SKI: variants seen among roughly 807,000 people sequenced by gnomAD.
SKI encodes the protein SKI proto-oncogene.
In SKI, 23 loss-of-function variants were observed where a neutral mutation model predicts 59.3. The observed-to-expected ratio is 0.39, with a 90% CI of 0.28 to 0.55. The LOEUF is 0.55. SKI is among the 20% of genes least tolerant of loss of function. The pLI is 0.67. For missense variants in SKI, 1,017 were observed against 1,038.9 expected, an observed-to-expected ratio of 0.98 and a Z score of 0.29; for synonymous variants, 673 against 488.6, an observed-to-expected ratio of 1.38 and a Z score of -4.98.
chr1:2,280,140 C>A (rs943581871), intron 1 of SKI, among the ~76,000 whole-genome samples: 5 of 151,238 alleles, frequency 3.3e-5, no homozygotes, highest in Non-Finnish European at 7.4e-5. Context: ...GAGGCCGAGG[C>A]GGGTGGCTAA....
At position 2,307,117 on chromosome 1, in the gene SKI, T is replaced by A. The variant is rs1028641514; in HGVS notation, c.*352T>A. 1 of 166,042 alleles carries A rather than the reference T, an allele frequency of 6.0e-6. No individual in the cohort carries two copies. Among genetic ancestry groups the A allele is most frequent in the Non-Finnish European group, 1.3e-5 (1 of 77,336 alleles). 10.3% of individuals were successfully genotyped at this position (166,042 alleles called of 1,614,324 possible). On this transcript the variant is annotated 3_prime_UTR_variant, in exon 7 of 7. Coordinates refer to ENST00000378536, the MANE Select transcript of SKI (RefSeq NM_003036.4). ...TTCAGAAAATCAACACATTTTTAAA[T>A]GACTAACTTCTAAAAGCCCCAACAC...
In SKI at chr1:2,251,314, G is replaced by A. The variant is rs1639142703; in HGVS notation, c.969+21579G>A. ...ATTTATTTATTTTTTGTAGAGATGG[G>A]GTCTCACTCTGTGGCCCAGGCTGGT... On this transcript the variant is annotated intron_variant, in intron 1 of 6. Transcript: ENST00000378536. Among the ~76,000 whole-genome samples, 3 of 152,158 alleles carry A rather than the reference G, an allele frequency of 2.0e-5. No individual in the cohort carries two copies. The South Asian group carries it at 6.2e-4, about 32-fold the overall frequency.
chr1:2,305,949 G>C (rs1640561964), intron 5 of SKI, 71 bp from the exon 6 acceptor site: 1 of 1,182,770 alleles, frequency 8.5e-7, no homozygotes. Flanking sequence ...GTGGGCTGAG[G>C]ACTGCTGGTC....
chr1:2,284,763 C>T lies in SKI; in HGVS notation c.970-18215C>T, dbSNP rs550553768. On this transcript the variant is annotated intron_variant, in intron 1 of 6. Transcript: ENST00000378536. Reference sequence around the variant, plus strand: ...GAAGAGTCAGGGAGGGGTGGATGGCCGGCGTGGCTGTAAGAATGACAGGTG... The same window carrying T: ...GAAGAGTCAGGGAGGGGTGGATGGCTGGCGTGGCTGTAAGAATGACAGGTG... Among the ~76,000 whole-genome samples, 58 of 152,242 alleles carry T rather than the reference C, an allele frequency of 3.8e-4. 1 individual carries two copies. The South Asian group carries it at 8.3e-3, about 22-fold the overall frequency.
At chr1:2,260,311 T>C (rs1305289494) in intron 1 of SKI, among the ~76,000 whole-genome samples, 1 of 152,186 alleles carries the variant, frequency 6.6e-6, no homozygotes, top group Non-Finnish European at 1.5e-5. Context: ...ATGTCTTCTT[T>C]GGTGAAATGT....
intron 1 of SKI, among the ~76,000 whole-genome samples, chr1:2,251,912 G>A (rs780526315): frequency 1.3e-5 from 2 of 152,174 alleles, no homozygotes; most frequent in Non-Finnish European, 2.9e-5. Context: ...TGGCTGAACC[G>A]GCTTATCTGG....
intron 1 of SKI, among the ~76,000 whole-genome samples, chr1:2,261,384 G>A (rs1442577864): frequency 2.6e-5 from 4 of 152,106 alleles, no homozygotes; most frequent in Non-Finnish European, 5.9e-5. Flanking sequence ...CTTAACAATC[G>A]GGAGTTTTCC....
rs767822731 is a variant in SKI at position 2,267,424 on chromosome 1, C to G, written c.970-35554C>G. On this transcript the variant is annotated intron_variant, in intron 1 of 6. Transcript: ENST00000378536. The surrounding 1 kb of genome is among the most constrained non-coding windows in gnomAD (Gnocchi z 4.1). ...AGGGCCGTTCGGGCCGGAGCAGGTG[C>G]GACAGGAATGTCCCACGTCCTCTCG... 3.3e-5 allele frequency among the ~76,000 whole-genome samples: 5 copies of G among 152,160 alleles called. No individual in the cohort carries two copies. The highest frequency in any genetic ancestry group is 3.3e-4 in the Admixed American group (5 of 15,276).
At position 2,270,592 on chromosome 1, in the gene SKI, A is replaced by G. The variant is rs1290252529; in HGVS notation, c.970-32386A>G. Among the ~76,000 whole-genome samples, 1 of 151,718 alleles carries G rather than the reference A, an allele frequency of 6.6e-6. No homozygotes were observed. Among genetic ancestry groups the G allele is most frequent in the Middle Eastern group, 3.2e-3 (1 of 316 alleles). On this transcript the variant is annotated intron_variant, in intron 1 of 6. Transcript: ENST00000378536. This position sits in a 1 kb window ranked among gnomAD's most constrained non-coding sequence, Gnocchi z 4.1. ...ACAAGCTGCCGGCTGAGGAGGCCGC[A>G]CTCCCCGTGCCTCCCGGGCAGACAC...
chr1:2,242,361 C>T (rs894927950), intron 1 of SKI, among the ~76,000 whole-genome samples: 2 of 152,128 alleles, frequency 1.3e-5, no homozygotes, highest in Non-Finnish European at 2.9e-5. Flanking sequence ...GTACAGTGTC[C>T]TGTTTGTTCA....
chr1:2,231,649 C>T (rs969788184), intron 1 of SKI, among the ~76,000 whole-genome samples: 2 of 152,236 alleles, frequency 1.3e-5, no homozygotes, highest in Non-Finnish European at 1.5e-5. Flanking sequence ...GATTAAAAAG[C>T]AATTCCCAGG....
rs1639534218 is a variant in SKI, at chr1:2,267,947, C to T, written c.970-35031C>T. 6.6e-6 allele frequency among the ~76,000 whole-genome samples: 1 copy of T among 152,210 alleles called. No individual in the cohort carries two copies. Among genetic ancestry groups the T allele is most frequent in the Non-Finnish European group, 1.5e-5 (1 of 68,024 alleles). On this transcript the variant is annotated intron_variant, in intron 1 of 6. Coordinates refer to ENST00000378536, the MANE Select transcript of SKI (RefSeq NM_003036.4). The surrounding 1 kb of genome is among the most constrained non-coding windows in gnomAD (Gnocchi z 4.1). Reference sequence around the variant, plus strand: ...CTGTGTGCCACCCGGGGCCTGTGTGCTGTGGTGGTCGTGGCTCTGTGGGTG... The same window carrying T: ...CTGTGTGCCACCCGGGGCCTGTGTGTTGTGGTGGTCGTGGCTCTGTGGGTG...
chr1:2,302,199 C>T (rs1430728918), intron 1 of SKI, among the ~76,000 whole-genome samples: 1 of 152,084 alleles, frequency 6.6e-6, no homozygotes, highest in South Asian at 2.1e-4. Context: ...GGTCCAGGCA[C>T]CTTCGCTAAG....
chr1:2,272,028 C>T (rs1251777066), intron 1 of SKI, among the ~76,000 whole-genome samples: 1 of 152,208 alleles, frequency 6.6e-6, no homozygotes, highest in African/African-American at 2.4e-5. Context: ...TGCAGGGGCA[C>T]TGAGCGGAGG....
intron 1 of SKI, among the ~76,000 whole-genome samples, chr1:2,291,591 G>A (rs1378717053): frequency 1.3e-5 from 2 of 151,520 alleles, no homozygotes; most frequent in African/African-American, 4.8e-5. Flanking sequence ...GACCAGAACA[G>A]AAGCTGGGCC....
intron 1 of SKI, among the ~76,000 whole-genome samples, chr1:2,273,131 AG>A (rs1639665687): frequency 6.6e-6 from 1 of 152,196 alleles, no homozygotes; most frequent in East Asian, 1.9e-4. Context: ...GAACAGACCA[AG>A]GGGGTGTTTT....
intron 1 of SKI, among the ~76,000 whole-genome samples, chr1:2,236,005 T>C (rs1638743113): frequency 6.6e-6 from 1 of 152,252 alleles, no homozygotes; most frequent in South Asian, 2.1e-4. Flanking sequence ...CGAGATTCTG[T>C]TCGGTGCTTG....
At position 2,228,641 on chromosome 1, in the gene SKI, G is replaced by T. The variant is rs1638556016; in HGVS notation, c.-126G>T. The stretch of plus-strand genomic sequence containing the variant: ...CGAGGCCGCGGCCGTGATCGGCCGT[G>T]AGCCGGCGGCGGGGGGCGGCCGGGG... On this transcript the variant is annotated 5_prime_UTR_variant, in exon 1 of 7. Transcript: ENST00000378536. The T allele has an allele frequency of 3.1e-6, 1 of 323,056 alleles. No individual in the cohort carries two copies. The allele number at this position is 323,056 out of a possible 1,614,324, so 20.0% of individuals were successfully genotyped here.
chr1:2,249,701 A>G (rs527498117), intron 1 of SKI, among the ~76,000 whole-genome samples: 68 of 152,144 alleles, frequency 4.5e-4, no homozygotes, highest in Non-Finnish European at 8.4e-4. Context: ...CCCTGCTCCA[A>G]CCGACTCACT....
Sources: gnomAD v4.1 joint callset for allele counts (sites outside exome capture counted in the v4.1 genomes callset) on GRCh38, gnomAD v4.1.1 for gene constraint, Gnocchi (gnomAD v3.1) non-coding constraint, MANE v1.5 for transcripts, NCBI Gene and HGNC (gene_info 2026-07-23, HGNC 2026-07-21) for gene names.